Variants in LPAR1 observed in about 807,000 individuals in gnomAD.
LPAR1 encodes lysophosphatidic acid receptor 1.
Under a neutral mutation model 23.8 loss-of-function variants are expected in LPAR1, and 5 were observed. The observed-to-expected ratio is 0.21, with a 90% CI of 0.11 to 0.44. The LOEUF (loss-of-function observed/expected upper bound fraction) is 0.44. LPAR1 is among the 20% of genes least tolerant of loss of function. LPAR1 has a pLI of 0.99. For missense variants in LPAR1, 311 were observed against 482.8 expected, an observed-to-expected ratio of 0.64 and a Z score of 3.33; for synonymous variants, 160 against 164.7, an observed-to-expected ratio of 0.97 and a Z score of 0.22.
chr9:110,917,429 G>A (rs2093261308), intron 5 of LPAR1, among the ~76,000 whole-genome samples: 1 of 152,150 alleles, frequency 6.6e-6, no homozygotes, highest in Non-Finnish European at 1.5e-5. Flanking sequence ...GAAACACTAT[G>A]CTAAACCTGA....
At chr9:110,971,969 G>A in intron 4 of LPAR1, 104 bp downstream of exon 4, 1 of 942,682 alleles carries the variant, frequency 1.1e-6, no homozygotes, top group Non-Finnish European at 1.7e-6. Flanking sequence ...GATAGCGAGA[G>A]AGATATACAT....
intron 2 of LPAR1, among the ~76,000 whole-genome samples, chr9:110,995,771 T>C (rs1191149837): frequency 2.0e-5 from 3 of 152,172 alleles, no homozygotes; most frequent in Non-Finnish European, 2.9e-5. Context: ...GGGAATTAAG[T>C]GACTTTTCTC....
intron 5 of LPAR1, among the ~76,000 whole-genome samples, chr9:110,894,262 G>C (rs1209036034): frequency 6.6e-6 from 1 of 152,170 alleles, no homozygotes; most frequent in Non-Finnish European, 1.5e-5. Context: ...ATCTTTTATA[G>C]GAGGAAAGAG....
chr9:110,981,394 T>C (rs1371361728), intron 2 of LPAR1, among the ~76,000 whole-genome samples: 1 of 151,984 alleles, frequency 6.6e-6, no homozygotes. Flanking sequence ...GGTATAATAA[T>C]AGTAAGGCTG....
chr9:110,979,266 T>A (rs530239419), intron 2 of LPAR1, among the ~76,000 whole-genome samples: 2 of 151,030 alleles, frequency 1.3e-5, no homozygotes, highest in African/African-American at 4.9e-5. Flanking sequence ...CAGATTGGAA[T>A]ATAACTTTAA....
rs565249869 is a variant in LPAR1 at position 110,874,721 on chromosome 9, T to A, written c.*700A>T. 12 of 152,764 alleles carry A rather than the reference T, an allele frequency of 7.9e-5. No individual in the cohort carries two copies. Among genetic ancestry groups the A allele is most frequent in the African/African-American group, 2.9e-4 (12 of 41,582 alleles). 9.5% of individuals were successfully genotyped at this position (152,764 alleles called of 1,614,324 possible). A position where few individuals can be genotyped will look rare whatever the true frequency, so the allele number is the denominator to read the frequency against. On this transcript the variant is annotated 3_prime_UTR_variant, in exon 6 of 6. Coordinates refer to ENST00000683809, the MANE Select transcript of LPAR1 (RefSeq NM_001351411.2). Reference sequence around the variant, plus strand: ...TTTTATACTTGTTACAACATTTTAATTAAACAGTTAATATTGTGATTAGAG... The same window carrying A: ...TTTTATACTTGTTACAACATTTTAAATAAACAGTTAATATTGTGATTAGAG...
At chr9:110,917,858 T>G (rs2093316987) in intron 5 of LPAR1, among the ~76,000 whole-genome samples, 1 of 152,202 alleles carries the variant, frequency 6.6e-6, no homozygotes, top group African/African-American at 2.4e-5. Context: ...TTGCTTATTT[T>G]AAACTCAACT....
chr9:110,887,223 G>A (rs903924186), intron 5 of LPAR1, among the ~76,000 whole-genome samples: 25 of 151,900 alleles, frequency 1.6e-4, no homozygotes, highest in African/African-American at 4.4e-4. Context: ...ATAGAGAAAC[G>A]TAATGGAAAT....
intron 5 of LPAR1, among the ~76,000 whole-genome samples, chr9:110,882,758 C>G (rs1361749450): frequency 7.1e-6 from 1 of 141,384 alleles, no homozygotes; most frequent in Non-Finnish European, 1.6e-5. Flanking sequence ...TTGGTTATAT[C>G]TACAATTCTT....
intron 5 of LPAR1, among the ~76,000 whole-genome samples, chr9:110,905,359 T>TTC (rs1290429910): frequency 6.8e-6 from 1 of 147,888 alleles, no homozygotes; most frequent in Non-Finnish European, 1.5e-5. Flanking sequence ...ATTTTTTTTT[T>TTC]TTTGCAGAAG....
At chr9:110,909,729 G>GTATT (rs56693702) in intron 5 of LPAR1, among the ~76,000 whole-genome samples, 9,033 of 147,816 alleles carry the variant, frequency 0.061, 292 homozygotes, top group Middle Eastern at 0.087. Context: ...ATTAAATAAA[G>GTATT]TATTTATTTA....
intron 2 of LPAR1, among the ~76,000 whole-genome samples, chr9:111,032,198 C>T (rs1158065866): frequency 6.6e-6 from 1 of 152,190 alleles, no homozygotes; most frequent in African/African-American, 2.4e-5. Context: ...AAGAGAGGCA[C>T]TTTGACCTAC....
intron 2 of LPAR1, among the ~76,000 whole-genome samples, chr9:111,013,093 GA>G (rs2097366269): frequency 2.0e-5 from 3 of 152,022 alleles, no homozygotes. Flanking sequence ...TACATTCAAG[GA>G]TTTTTTTTAA....
intron 2 of LPAR1, among the ~76,000 whole-genome samples, chr9:111,000,232 C>A (rs780114090): frequency 1.3e-5 from 2 of 152,152 alleles, no homozygotes; most frequent in Non-Finnish European, 2.9e-5. Context: ...GCACAATAAA[C>A]AATCTACTGG....
intron 4 of LPAR1, among the ~76,000 whole-genome samples, chr9:110,956,249 G>A (rs1029364479): frequency 6.9e-6 from 1 of 145,226 alleles, no homozygotes; most frequent in Non-Finnish European, 1.5e-5. Flanking sequence ...GGGTTGGGGG[G>A]CTAGGGGAGG....
At chr9:110,977,130 T>A (rs1289549589) in intron 2 of LPAR1, among the ~76,000 whole-genome samples, 4 of 152,200 alleles carry the variant, frequency 2.6e-5, no homozygotes, top group Non-Finnish European at 4.4e-5. Context: ...AAACTGCAAC[T>A]GCACAACCAG....
intron 4 of LPAR1, among the ~76,000 whole-genome samples, chr9:110,952,461 G>T (rs1471730683): frequency 6.6e-6 from 1 of 151,956 alleles, no homozygotes; most frequent in Non-Finnish European, 1.5e-5. Context: ...CCACCAAACT[G>T]CATCTACCCA....
At position 110,936,688 on chromosome 9, in the gene LPAR1, A is replaced by C. The variant is rs144019760; in HGVS notation, c.793+4733T>G. The stretch of plus-strand genomic sequence containing the variant: ...TCCAACCAGAACAAACTAGAAAAAC[A>C]GTGTCTCCCTCTTCTTCCCCAAAGA... On this transcript the variant is annotated intron_variant, in intron 5 of 5. Coordinates refer to ENST00000683809, the MANE Select transcript of LPAR1 (RefSeq NM_001351411.2). Among the ~76,000 whole-genome samples, 354 of 152,314 alleles carry C rather than the reference A, an allele frequency of 2.3e-3. 1 individual carries two copies. The highest frequency in any genetic ancestry group is 8.0e-3 in the African/African-American group (334 of 41,568).
chr9:111,006,997 G>A (rs1434267927), intron 2 of LPAR1, among the ~76,000 whole-genome samples: 3 of 152,054 alleles, frequency 2.0e-5, no homozygotes, highest in African/African-American at 7.2e-5. Flanking sequence ...GTTCTCTCAA[G>A]ATATTGTCAT....
Sources: gnomAD v4.1 joint callset for allele counts (sites outside exome capture counted in the v4.1 genomes callset) on GRCh38, gnomAD v4.1.1 for gene constraint, MANE v1.5 for transcripts, NCBI Gene and HGNC (gene_info 2026-07-23, HGNC 2026-07-21) for gene names.